ROBO1: variants seen among roughly 807,000 people sequenced by gnomAD.
The protein encoded by ROBO1 is roundabout homolog 1.
A neutral mutation model predicts 195.9 loss-of-function variants in ROBO1; 149 were observed. That is an observed-to-expected ratio of 0.76 (90% confidence interval 0.67 to 0.87). The LOEUF (loss-of-function observed/expected upper bound fraction) is 0.87, where lower values mean the gene tolerates loss of function less well. Among genes scored for constraint, ROBO1 ranks in the 40% least tolerant of loss-of-function variants. The pLI is 0.00. For synonymous variants in ROBO1, 816 were observed against 733.2 expected, an observed-to-expected ratio of 1.11 and a Z score of -1.82; for missense variants, 1,933 against 2,068.3, an observed-to-expected ratio of 0.93 and a Z score of 1.27.
intron 2 of ROBO1, 146 bp from the exon 3 acceptor site, chr3:79,125,685 C>T (rs1469388667): frequency 4.6e-6 from 3 of 652,516 alleles, no homozygotes; most frequent in East Asian, 2.8e-5. Flanking sequence ...CATCCTTGCC[C>T]CTCCTGCGGC....
At chr3:79,257,903 C>T (rs1391516649) in intron 2 of ROBO1, among the ~76,000 whole-genome samples, 1 of 152,032 alleles carries the variant, frequency 6.6e-6, no homozygotes, top group Admixed American at 6.6e-5. Context: ...ACAGTATATT[C>T]AGTCCTGTGT....
At chr3:79,363,446 T>A (rs1208751950) in intron 2 of ROBO1, among the ~76,000 whole-genome samples, 2 of 152,252 alleles carry the variant, frequency 1.3e-5, no homozygotes, top group Non-Finnish European at 2.9e-5. Flanking sequence ...ACCAGGATTT[T>A]AAAATTTTTA....
intron 2 of ROBO1, among the ~76,000 whole-genome samples, chr3:79,398,636 C>G (rs934330157): frequency 6.6e-6 from 1 of 152,040 alleles, no homozygotes; most frequent in Non-Finnish European, 1.5e-5. Context: ...CTCAGTGGGA[C>G]AGTTGGAAGT....
chr3:79,297,444 T>C (rs1391081085), intron 2 of ROBO1, among the ~76,000 whole-genome samples: 1 of 152,188 alleles, frequency 6.6e-6, no homozygotes, highest in African/African-American at 2.4e-5. Context: ...TTTGTTATTA[T>C]GATCTCTAGT....
Position 79,089,773 on chromosome 3 carries a change from C to T in ROBO1, c.172+35683G>A, listed in dbSNP as rs556854930. ...TTTATTTGGTTGTGAAATAGATGAA[C>T]GCATTTGCATGTGTTTGCTTGATAC... is the stretch of plus-strand genomic sequence containing the variant. On this transcript the variant is annotated intron_variant, in intron 3 of 30. Coordinates refer to ENST00000464233, the MANE Select transcript of ROBO1 (RefSeq NM_002941.4). Among the ~76,000 whole-genome samples, 6 of 152,140 alleles carry T rather than the reference C, an allele frequency of 3.9e-5. No homozygotes were observed. In the South Asian group the frequency reaches 8.3e-4, roughly 21 times the overall value.
At chr3:78,665,112 C>T (rs560608798) in intron 14 of ROBO1, among the ~76,000 whole-genome samples, 1 of 152,280 alleles carries the variant, frequency 6.6e-6, no homozygotes, top group South Asian at 2.1e-4. Context: ...GATTTTCAGC[C>T]TTTCATGCGG....
intron 2 of ROBO1, among the ~76,000 whole-genome samples, chr3:79,451,082 C>A (rs142337397): frequency 2.6e-5 from 4 of 151,888 alleles, no homozygotes; most frequent in Non-Finnish European, 1.5e-5. Flanking sequence ...ATTATTACTA[C>A]ACTTTATATG....
At chr3:78,735,649 C>T (rs1419224487) in intron 5 of ROBO1, among the ~76,000 whole-genome samples, 1 of 151,850 alleles carries the variant, frequency 6.6e-6, no homozygotes, top group African/African-American at 2.4e-5. Flanking sequence ...TTTATTAAAC[C>T]CTATATATTT....
At chr3:79,521,999 T>A (rs1941229012) in intron 2 of ROBO1, among the ~76,000 whole-genome samples, 1 of 152,214 alleles carries the variant, frequency 6.6e-6, no homozygotes, top group African/African-American at 2.4e-5. Flanking sequence ...GAAGTAGGAT[T>A]GTCATGTTAA....
chr3:78,653,533 C>T (rs1706808920), intron 18 of ROBO1, among the ~76,000 whole-genome samples: 1 of 152,242 alleles, frequency 6.6e-6, no homozygotes, highest in African/African-American at 2.4e-5. Flanking sequence ...TGGATTCCCA[C>T]CTGCTGGTTG....
chr3:79,537,134 T>G (rs565508125), intron 2 of ROBO1, among the ~76,000 whole-genome samples: 5 of 151,482 alleles, frequency 3.3e-5, no homozygotes, highest in Non-Finnish European at 5.9e-5. Flanking sequence ...GACTCAACAC[T>G]TTTATTTCCA....
intron 8 of ROBO1, among the ~76,000 whole-genome samples, chr3:78,694,919 A>G (rs894845667): frequency 7.2e-5 from 11 of 152,186 alleles, no homozygotes; most frequent in African/African-American, 9.6e-5. Flanking sequence ...AATGATTCCT[A>G]AATATTTTCA....
chr3:79,031,001 C>T (rs960019794), intron 3 of ROBO1, among the ~76,000 whole-genome samples: 1 of 152,196 alleles, frequency 6.6e-6, no homozygotes. Context: ...GGATTACAGG[C>T]GTGAGCCACC....
intron 1 of ROBO1, among the ~76,000 whole-genome samples, chr3:79,712,877 G>GA (rs1159760329): frequency 1.3e-5 from 2 of 151,922 alleles, no homozygotes; most frequent in Non-Finnish European, 2.9e-5. Context: ...CTCTATAAAT[G>GA]AAAAAACAAA....
intron 4 of ROBO1, among the ~76,000 whole-genome samples, chr3:78,828,494 A>T (rs1484323475): frequency 1.3e-5 from 2 of 152,226 alleles, no homozygotes; most frequent in African/African-American, 2.4e-5. Flanking sequence ...CTGGTAGGCA[A>T]GTTTCACGCT....
chr3:78,625,806 A>G (rs1001979712), intron 26 of ROBO1, among the ~76,000 whole-genome samples: 1 of 152,148 alleles, frequency 6.6e-6, no homozygotes, highest in Non-Finnish European at 1.5e-5. Context: ...AAACGTTATA[A>G]GCCAGAATGC....
At chr3:79,003,233 T>G (rs191501928) in intron 3 of ROBO1, among the ~76,000 whole-genome samples, 1 of 152,142 alleles carries the variant, frequency 6.6e-6, no homozygotes, top group Non-Finnish European at 1.5e-5. Context: ...AACTGTCAAA[T>G]TAACGCTGAA....
intron 2 of ROBO1, among the ~76,000 whole-genome samples, chr3:79,319,760 C>T (rs112614796): frequency 1.3e-5 from 2 of 151,970 alleles, no homozygotes; most frequent in Non-Finnish European, 2.9e-5. Context: ...TTACAGTGGA[C>T]ACACAACTCA....
intron 2 of ROBO1, among the ~76,000 whole-genome samples, chr3:79,298,413 G>A (rs936469014): frequency 6.6e-6 from 1 of 152,046 alleles, no homozygotes; most frequent in African/African-American, 2.4e-5. Context: ...ATGATAATAT[G>A]CCTCCCCTCA....
Sources: allele counts gnomAD v4.1 joint callset (sites outside exome capture counted in the v4.1 genomes callset), GRCh38; gene constraint gnomAD v4.1.1; transcripts MANE v1.5; gene names NCBI Gene and HGNC (gene_info 2026-07-23, HGNC 2026-07-21).